Variants in GRB14 observed in about 807,000 individuals in gnomAD.
The protein encoded by GRB14 is growth factor receptor-bound protein 14.
In GRB14, 38 loss-of-function variants were observed where a neutral mutation model predicts 69.1. That is an observed-to-expected ratio of 0.55 (90% CI 0.42 to 0.72). The LOEUF is 0.72. GRB14 is among the 30% of genes least tolerant of loss of function. The pLI, the probability that GRB14 is intolerant of heterozygous loss-of-function variation, is 0.00. For synonymous variants in GRB14, 247 were observed against 241.3 expected (o/e 1.02, Z -0.22); for missense variants, 666 against 666.1 (o/e 1.00, Z 0.00).
intron 2 of GRB14, among the ~76,000 whole-genome samples, chr2:164,580,703 C>A (rs1399719671): frequency 9.8e-5 from 8 of 81,820 alleles, no homozygotes; most frequent in Non-Finnish European, 2.5e-5. Flanking sequence ...GACTCCATCT[C>A]AGGAAGAAAA....
At chr2:164,566,925 G>T (rs1688989596) in intron 2 of GRB14, among the ~76,000 whole-genome samples, 1 of 152,040 alleles carries the variant, frequency 6.6e-6, no homozygotes, top group Admixed American at 6.6e-5. Context: ...GGAGAGTCCA[G>T]ATAGTACATT....
At chr2:164,599,686 A>T (rs939207223) in intron 2 of GRB14, among the ~76,000 whole-genome samples, 2 of 152,240 alleles carry the variant, frequency 1.3e-5, no homozygotes, top group Admixed American at 6.5e-5. Flanking sequence ...TTGCATATGC[A>T]CTAAGTCTGG....
intron 6 of GRB14, among the ~76,000 whole-genome samples, chr2:164,513,238 T>A (rs544224669): frequency 3.7e-4 from 56 of 152,262 alleles, no homozygotes; most frequent in African/African-American, 1.2e-3. Flanking sequence ...AAGATACTCT[T>A]TTGGTAATTT....
At chr2:164,582,009 C>G (rs1474674107) in intron 2 of GRB14, among the ~76,000 whole-genome samples, 3 of 152,206 alleles carry the variant, frequency 2.0e-5, no homozygotes, top group African/African-American at 7.2e-5. Context: ...TTTTGTCCAG[C>G]TTATTCAGAC....
intron 2 of GRB14, among the ~76,000 whole-genome samples, chr2:164,570,275 T>TAA (rs35918859): frequency 0.011 from 616 of 57,136 alleles, 19 homozygotes; most frequent in African/African-American, 0.032. Context: ...AGACTCCATC[T>TAA]AAAAAAAAAA....
intron 2 of GRB14, among the ~76,000 whole-genome samples, chr2:164,594,441 A>G (rs1689737860): frequency 6.6e-6 from 1 of 152,238 alleles, no homozygotes; most frequent in Non-Finnish European, 1.5e-5. Flanking sequence ...CTGATGAAGA[A>G]ACATGTAAAG....
In GRB14 at chr2:164,507,472, T is replaced by TTA. The variant is rs201592644; in HGVS notation, c.1023+981_1023+982dup. Among the ~76,000 whole-genome samples the TTA allele has an allele frequency of 1.4e-3, 212 of 152,270 alleles. 6 individuals carry two copies. In the East Asian group the frequency reaches 0.034, roughly 25 times the overall value. On this transcript the variant is annotated intron_variant, in intron 8 of 13. Transcript: ENST00000263915. ...AAATCTTCCTGTGGTAAGAAAAGGA[T>TTA]TATATATATCTAATACACATATAAT...
At chr2:164,515,408 G>A (rs890214503) in intron 6 of GRB14, among the ~76,000 whole-genome samples, 1 of 152,200 alleles carries the variant, frequency 6.6e-6, no homozygotes. Context: ...ACACTCTCCA[G>A]TACCAGCCCA....
chr2:164,613,447 A>T (rs1313629004), intron 2 of GRB14, among the ~76,000 whole-genome samples: 3 of 152,132 alleles, frequency 2.0e-5, no homozygotes, highest in African/African-American at 7.2e-5. Flanking sequence ...GACACACTGG[A>T]CTAACATACC....
At chr2:164,538,390 C>G (rs1469286932) in intron 3 of GRB14, among the ~76,000 whole-genome samples, 1 of 152,144 alleles carries the variant, frequency 6.6e-6, no homozygotes, top group Non-Finnish European at 1.5e-5. Context: ...TTTTCCCCCA[C>G]CCTACTCTTA....
At chr2:164,588,764 G>A (rs1461697087) in intron 2 of GRB14, among the ~76,000 whole-genome samples, 1 of 152,038 alleles carries the variant, frequency 6.6e-6, no homozygotes, top group African/African-American at 2.4e-5. Context: ...GTATCTATTT[G>A]ACAGTTTATT....
intron 3 of GRB14, among the ~76,000 whole-genome samples, chr2:164,533,423 G>A (rs998660751): frequency 7.9e-5 from 12 of 151,704 alleles, no homozygotes; most frequent in Admixed American, 4.6e-4. Context: ...TAGTAGAGAC[G>A]GGGTTTCACC....
chr2:164,611,685 C>A (rs1440834009), intron 2 of GRB14, among the ~76,000 whole-genome samples: 1 of 151,514 alleles, frequency 6.6e-6, no homozygotes, highest in Non-Finnish European at 1.5e-5. Flanking sequence ...GATGTGATTC[C>A]TTTTCTGATT....
chr2:164,563,030 G>T (rs1023370722), intron 2 of GRB14, among the ~76,000 whole-genome samples: 1 of 152,130 alleles, frequency 6.6e-6, no homozygotes, highest in African/African-American at 2.4e-5. Flanking sequence ...TAGCAAGAAT[G>T]AGAACTCTGG....
chr2:164,517,314 C>T (rs1019857305), intron 6 of GRB14, among the ~76,000 whole-genome samples: 6 of 152,094 alleles, frequency 3.9e-5, no homozygotes, highest in Admixed American at 2.0e-4. Context: ...GTCCCACACA[C>T]AGCACATGGG....
chr2:164,572,131 T>C (rs1170131613), intron 2 of GRB14, among the ~76,000 whole-genome samples: 2 of 152,144 alleles, frequency 1.3e-5, no homozygotes, highest in African/African-American at 4.8e-5. Flanking sequence ...GTATACAAAG[T>C]GGAATCTGGG....
chr2:164,608,761 G>A (rs1440647156), intron 2 of GRB14, among the ~76,000 whole-genome samples: 1 of 152,018 alleles, frequency 6.6e-6, no homozygotes, highest in Non-Finnish European at 1.5e-5. Context: ...ATTAGAAATA[G>A]TTCTATTAAA....
rs138756758 is a variant in GRB14 at position 164,497,282 on chromosome 2, T to C, written c.1223A>G (p.Lys408Arg). 1.4e-5 allele frequency: 22 copies of C among 1,612,632 alleles called. No homozygotes were observed. In the African/African-American group the frequency reaches 2.9e-4, roughly 22 times the overall value. ...VAVEEGLAWR[K>R]KGCLRLGTHG... ...AGTGCCCAGGCGTAAACATCCTTTT[T>C]TCTGAGCAAGGAAGGAGAAAACAAA... Residue 408 changes from lysine to arginine, a missense_variant and splice_region_variant, in exon 11 of 14, where the codon AAA (lysine) becomes AGA (arginine). Physicochemically the swap from Lys to Arg is conservative, Grantham distance 26. Transcript: ENST00000263915.
intron 2 of GRB14, among the ~76,000 whole-genome samples, chr2:164,609,667 G>A (rs10803792): frequency 0.76 from 115,458 of 152,126 alleles, 44,455 homozygotes; most frequent in Admixed American, 0.82. Context: ...ATAGCAGATA[G>A]TACATTTAAA....
Sources: gnomAD v4.1 joint callset for allele counts (sites outside exome capture counted in the v4.1 genomes callset) on GRCh38, gnomAD v4.1.1 for gene constraint, MANE v1.5 for transcripts, NCBI Gene and HGNC (gene_info 2026-07-23, HGNC 2026-07-21) for gene names.